Variants in TRDN observed in about 807,000 individuals in gnomAD.
TRDN encodes the protein triadin.
Under a neutral mutation model 149.7 loss-of-function variants are expected in TRDN, and 161 were observed. That is an observed-to-expected ratio of 1.08 (90% CI 0.95 to 1.23). The LOEUF is 1.23. Among genes scored for constraint, TRDN ranks in the 50% most tolerant of loss-of-function variants. The pLI, the probability that TRDN is intolerant of heterozygous loss-of-function variation, is 0.00. For missense variants in TRDN, 896 were observed against 823.5 expected (o/e 1.09, Z -1.08); for synonymous variants, 294 against 250.5 (o/e 1.17, Z -1.64).
In TRDN at chr6:123,567,658, A is replaced by C. The variant is rs116935596; in HGVS notation, c.232+3265T>G. On this transcript the variant is annotated intron_variant, in intron 2 of 40. Coordinates refer to ENST00000334268, the MANE Select transcript of TRDN (RefSeq NM_006073.4). ...GTGGGGGGCGGGGGAGGTGCCACAC[A>C]CTTAAAAAATCATATCTCACAAGAT... Among the ~76,000 whole-genome samples the C allele has an allele frequency of 9.8e-3, 1,492 of 152,198 alleles. 10 individuals are homozygous for C. The highest frequency in any genetic ancestry group is 0.016 in the Non-Finnish European group (1,081 of 68,012).
At chr6:123,389,464 A>G (rs538134625) in intron 13 of TRDN, 1 of 152,278 alleles carries the variant, frequency 6.6e-6, no homozygotes, top group South Asian at 2.1e-4. Context: ...ACAATTGCCA[A>G]AGCTCTTTCA....
At chr6:123,491,358 T>C (rs1583137211) in intron 9 of TRDN, among the ~76,000 whole-genome samples, 1 of 152,248 alleles carries the variant, frequency 6.6e-6, no homozygotes, top group African/African-American at 2.4e-5. Context: ...CACTGAAGGC[T>C]CATAGATGAT....
At chr6:123,420,424 C>G (rs375481064) in intron 12 of TRDN, among the ~76,000 whole-genome samples, 1 of 151,870 alleles carries the variant, frequency 6.6e-6, no homozygotes, top group East Asian at 1.9e-4. Flanking sequence ...CTATTATTCT[C>G]TCAAAACAAT....
At chr6:123,459,609 A>G (rs1467926290) in intron 10 of TRDN, among the ~76,000 whole-genome samples, 1 of 152,192 alleles carries the variant, frequency 6.6e-6, no homozygotes, top group African/African-American at 2.4e-5. Flanking sequence ...AACCTTTAAA[A>G]GTACTATATT....
chr6:123,273,906 A>T (rs1459507663), intron 27 of TRDN, among the ~76,000 whole-genome samples: 1 of 152,090 alleles, frequency 6.6e-6, no homozygotes, highest in African/African-American at 2.4e-5. Context: ...CTAAAAAACA[A>T]TGTAGACTTG....
intron 10 of TRDN, among the ~76,000 whole-genome samples, chr6:123,450,245 A>G (rs1468443504): frequency 1.3e-5 from 2 of 152,190 alleles, no homozygotes; most frequent in African/African-American, 4.8e-5. Flanking sequence ...CAATACTAAC[A>G]TTGAATGTAA....
At chr6:123,272,265 A>G (rs1777229362) in intron 29 of TRDN, among the ~76,000 whole-genome samples, 1 of 151,952 alleles carries the variant, frequency 6.6e-6, no homozygotes, top group African/African-American at 2.4e-5. Context: ...AACTATATTC[A>G]CAAATTGGGT....
intron 1 of TRDN, among the ~76,000 whole-genome samples, chr6:123,624,173 A>G (rs1395428601): frequency 6.6e-6 from 1 of 152,176 alleles, no homozygotes; most frequent in Non-Finnish European, 1.5e-5. Flanking sequence ...TCAGGGGGTC[A>G]GACTTTTCAT....
At chr6:123,354,427 C>A in intron 20 of TRDN, among the ~76,000 whole-genome samples, 1 of 151,840 alleles carries the variant, frequency 6.6e-6, no homozygotes, top group East Asian at 1.9e-4. Flanking sequence ...TTGCCTAAAA[C>A]ACAATCATCT....
In TRDN at chr6:123,619,951, TC is replaced by T. The variant is rs2114707067; in HGVS notation, c.22+16802del. Among the ~76,000 whole-genome samples, 3 of 152,214 alleles carry T rather than the reference TC, an allele frequency of 2.0e-5. No individual in the cohort carries two copies. The East Asian group carries it at 5.8e-4, about 29-fold the overall frequency. On this transcript the variant is annotated intron_variant, in intron 1 of 40. Transcript: ENST00000334268. ...GTGTGCACATGTTGGGCTCTTGACC[TC>T]CACACACTTTTGCTCTCTTCCAGGC... is the stretch of plus-strand genomic sequence containing the variant.
chr6:123,445,937 G>A (rs556399520), intron 10 of TRDN, among the ~76,000 whole-genome samples: 15 of 141,504 alleles, frequency 1.1e-4, no homozygotes, highest in East Asian at 3.9e-4. Context: ...ACATGCACAC[G>A]TATGTTTATT....
chr6:123,443,024 A>G (rs541556832), intron 10 of TRDN, among the ~76,000 whole-genome samples: 1 of 152,136 alleles, frequency 6.6e-6, no homozygotes, highest in Non-Finnish European at 1.5e-5. Flanking sequence ...GTCCCCTTTC[A>G]CCTGTTTATT....
At chr6:123,495,374 C>A (rs1482084156) in intron 9 of TRDN, among the ~76,000 whole-genome samples, 1 of 151,332 alleles carries the variant, frequency 6.6e-6, no homozygotes, top group Non-Finnish European at 1.5e-5. Flanking sequence ...CAAAAATTAG[C>A]CGAGTATGTT....
At chr6:123,274,328 A>T (rs1379624992) in intron 27 of TRDN, among the ~76,000 whole-genome samples, 1 of 152,154 alleles carries the variant, frequency 6.6e-6, no homozygotes. Flanking sequence ...AGCCACCAGA[A>T]TTATGAAAAT....
chr6:123,228,480 T>A (rs1775471674), intron 38 of TRDN, among the ~76,000 whole-genome samples: 2 of 151,900 alleles, frequency 1.3e-5, no homozygotes, highest in African/African-American at 4.8e-5. Context: ...CTTCTTCACA[T>A]GGTGGTAGGG....
intron 1 of TRDN, among the ~76,000 whole-genome samples, chr6:123,587,091 G>T (rs1265333334): frequency 1.3e-5 from 2 of 151,936 alleles, no homozygotes; most frequent in Non-Finnish European, 2.9e-5. Flanking sequence ...CCCCAGAAAG[G>T]TGGAAAAGAG....
chr6:123,301,762 TATATATAC>T (rs1365533695), intron 24 of TRDN, among the ~76,000 whole-genome samples: 1 of 80,752 alleles, frequency 1.2e-5, no homozygotes, highest in Non-Finnish European at 2.6e-5. Context: ...CATATATATA[TATATATAC>T]ATATATATAT....
intron 10 of TRDN, chr6:123,439,686 G>A (rs1442310977): frequency 1.3e-5 from 2 of 152,224 alleles, no homozygotes; most frequent in African/African-American, 4.8e-5. Flanking sequence ...ATAAATCTGA[G>A]ACAGCCTTGG....
chr6:123,336,920 AGAG>A (rs1779894014), intron 22 of TRDN, among the ~76,000 whole-genome samples: 1 of 151,926 alleles, frequency 6.6e-6, no homozygotes, highest in Non-Finnish European at 1.5e-5. Flanking sequence ...TTAATTCAGA[AGAG>A]AGGGGACTCA....
Sources: gnomAD v4.1 joint callset for allele counts (sites outside exome capture counted in the v4.1 genomes callset) on GRCh38, gnomAD v4.1.1 for gene constraint, MANE v1.5 for transcripts, NCBI Gene and HGNC (gene_info 2026-07-23, HGNC 2026-07-21) for gene names.